The following ADAMTS2 variants were observed in gnomAD, a reference collection of about 807,000 sequenced individuals.
ADAMTS2 encodes the protein A disintegrin and metalloproteinase with thrombospondin motifs 2.
In ADAMTS2, 50 loss-of-function variants were observed where a neutral mutation model predicts 123.0. The ratio of observed to expected loss-of-function variants is 0.41; its 90% CI spans 0.32 to 0.51. The LOEUF (loss-of-function observed/expected upper bound fraction) is 0.51, where lower values mean the gene tolerates loss of function less well. Ranked by LOEUF, ADAMTS2 falls within the 20% of genes least tolerant of loss-of-function variation. The pLI is 0.35. For synonymous variants in ADAMTS2, 678 were observed against 695.4 expected (o/e 0.98, Z 0.39); for missense variants, 1,494 against 1,705.2 (o/e 0.88, Z 2.18).
intron 2 of ADAMTS2, among the ~76,000 whole-genome samples, chr5:179,326,582 C>A (rs1254754660): frequency 6.6e-6 from 1 of 151,086 alleles, no homozygotes; most frequent in Non-Finnish European, 1.5e-5. Context: ...AGCGCTTTCA[C>A]ACTGTGGTCC....
At chr5:179,296,310 C>A (rs1420750649) in intron 2 of ADAMTS2, among the ~76,000 whole-genome samples, 1 of 151,836 alleles carries the variant, frequency 6.6e-6, no homozygotes, top group Non-Finnish European at 1.5e-5. Flanking sequence ...CGGGCAGGGG[C>A]AATGCCGGGG....
chr5:179,270,345 G>A (rs981763584), intron 3 of ADAMTS2, among the ~76,000 whole-genome samples: 1 of 152,152 alleles, frequency 6.6e-6, no homozygotes, highest in Non-Finnish European at 1.5e-5. Flanking sequence ...GGGCAGGTGT[G>A]TCACCTTCCC....
At chr5:179,141,133 C>T (rs1413319190) in intron 10 of ADAMTS2, among the ~76,000 whole-genome samples, 3 of 152,084 alleles carry the variant, frequency 2.0e-5, no homozygotes, top group Non-Finnish European at 4.4e-5. Context: ...ACTCTTTAAC[C>T]CTTCTTTGTA....
intron 3 of ADAMTS2, among the ~76,000 whole-genome samples, chr5:179,223,639 C>A (rs898095875): frequency 1.2e-5 from 1 of 86,788 alleles, no homozygotes; most frequent in East Asian, 2.2e-3. Context: ...CATGAATGCA[C>A]ACACACATAC....
At chr5:179,149,827 C>T (rs1051942836) in intron 10 of ADAMTS2, among the ~76,000 whole-genome samples, 4 of 152,172 alleles carry the variant, frequency 2.6e-5, no homozygotes, top group African/African-American at 2.4e-5. Flanking sequence ...CTGTGCTCCT[C>T]GGGAACCAGG....
intron 2 of ADAMTS2, among the ~76,000 whole-genome samples, chr5:179,293,393 A>C (rs17079307): frequency 0.015 from 2,276 of 152,328 alleles, 52 homozygotes; most frequent in African/African-American, 0.052. Context: ...CAATGTGAAG[A>C]GTATTTTCCC....
intron 3 of ADAMTS2, among the ~76,000 whole-genome samples, chr5:179,243,539 T>C (rs1159432498): frequency 6.6e-6 from 1 of 151,908 alleles, no homozygotes; most frequent in Non-Finnish European, 1.5e-5. Flanking sequence ...AGGAAACAAA[T>C]AAATACACAA....
At position 179,345,168 on chromosome 5, in the gene ADAMTS2, G is replaced by A; in HGVS notation, c.139+22C>T. On this transcript the variant is annotated intron_variant, in intron 1 of 21. Coordinates refer to ENST00000251582, the MANE Select transcript of ADAMTS2 (RefSeq NM_014244.5). The surrounding 1 kb of genome is among the most constrained non-coding windows in gnomAD (Gnocchi z 7.5). ...GCCAGGCCGGCGGGGGTCCCGGGGA[G>A]TAGGGGCCGGGCCGCACCTACCTGG... The A allele has an allele frequency of 1.8e-6, 2 of 1,093,512 alleles. No homozygotes were observed. Among genetic ancestry groups the A allele is most frequent in the African/African-American group, 1.7e-5 (1 of 59,740 alleles). The allele number at this position is 1,093,512 out of a possible 1,614,324, so 67.7% of individuals were successfully genotyped here. A position where few individuals can be genotyped will look rare whatever the true frequency, so the allele number is the denominator to read the frequency against.
chr5:179,281,994 A>G (rs1477425384), intron 2 of ADAMTS2, among the ~76,000 whole-genome samples: 1 of 152,146 alleles, frequency 6.6e-6, no homozygotes, highest in Non-Finnish European at 1.5e-5. Context: ...TAATAAGACC[A>G]TTTTCTTTTT....
chr5:179,258,988 T>C (rs1286043588), intron 3 of ADAMTS2, among the ~76,000 whole-genome samples: 2 of 152,018 alleles, frequency 1.3e-5, no homozygotes, highest in African/African-American at 4.8e-5. Flanking sequence ...GGCCGCAGTC[T>C]CTCCCTGCAC....
intron 3 of ADAMTS2, among the ~76,000 whole-genome samples, chr5:179,217,286 G>A (rs906962787): frequency 1.3e-4 from 20 of 152,158 alleles, no homozygotes; most frequent in Admixed American, 1.2e-3. Flanking sequence ...AATTCAGAGC[G>A]ACTTACATAA....
chr5:179,223,392 T>TCA (rs36142929), intron 3 of ADAMTS2, among the ~76,000 whole-genome samples: 90,089 of 146,446 alleles, frequency 0.62, 27,680 homozygotes, highest in East Asian at 0.96. Context: ...ACGAATGCAC[T>TCA]CACACACACG....
At chr5:179,265,781 G>C (rs1766353103) in intron 3 of ADAMTS2, among the ~76,000 whole-genome samples, 1 of 152,254 alleles carries the variant, frequency 6.6e-6, no homozygotes, top group Non-Finnish European at 1.5e-5. Context: ...GAGGACAGGA[G>C]CGCCGCGGCG....
chr5:179,319,151 G>C (rs565337086), intron 2 of ADAMTS2, among the ~76,000 whole-genome samples: 1 of 152,004 alleles, frequency 6.6e-6, no homozygotes, highest in Non-Finnish European at 1.5e-5. Context: ...CATGCACCAC[G>C]TGTGCACTCA....
At position 179,170,726 on chromosome 5, in the gene ADAMTS2, C is replaced by T. The variant is rs530191483; in HGVS notation, c.975+10346G>A. Reference sequence around the variant, plus strand: ...CCTGCCACCCTGCTGTATTCCTTGCCGGTGCTCACCACTCTGTCGCTGTCT... The same window carrying T: ...CCTGCCACCCTGCTGTATTCCTTGCTGGTGCTCACCACTCTGTCGCTGTCT... On this transcript the variant is annotated intron_variant, in intron 5 of 21. Coordinates refer to ENST00000251582, the MANE Select transcript of ADAMTS2 (RefSeq NM_014244.5). This position sits in a 1 kb window ranked among gnomAD's most constrained non-coding sequence, Gnocchi z 4.3. 8.5e-5 allele frequency among the ~76,000 whole-genome samples: 13 copies of T among 152,282 alleles called. No homozygotes were observed. The highest frequency in any genetic ancestry group is 1.2e-4 in the African/African-American group (5 of 41,556).
chr5:179,264,092 G>T (rs907969993), intron 3 of ADAMTS2, among the ~76,000 whole-genome samples: 1 of 152,090 alleles, frequency 6.6e-6, no homozygotes, highest in Admixed American at 6.6e-5. Flanking sequence ...GCTGCTGCTG[G>T]GGAAGAGCTT....
chr5:179,327,600 C>T (rs887390207), intron 2 of ADAMTS2, among the ~76,000 whole-genome samples: 2 of 152,120 alleles, frequency 1.3e-5, no homozygotes, highest in Non-Finnish European at 2.9e-5. Context: ...ATCCTGCGTT[C>T]GAAGCTCTAC....
In ADAMTS2 at chr5:179,308,548, C is replaced by G. The variant is rs1756738643; in HGVS notation, c.534+35219G>C. Reference sequence around the variant, plus strand: ...CATGCCTGCAGGCCCCCATAATAGACAGCCTCATTTTTTTTTTCTAGGCAA... The same window carrying G: ...CATGCCTGCAGGCCCCCATAATAGAGAGCCTCATTTTTTTTTTCTAGGCAA... On this transcript the variant is annotated intron_variant, in intron 2 of 21. Coordinates refer to ENST00000251582, the MANE Select transcript of ADAMTS2 (RefSeq NM_014244.5). The surrounding 1 kb of genome is among the most constrained non-coding windows in gnomAD (Gnocchi z 6.6). Among the ~76,000 whole-genome samples, 1 of 152,180 alleles carries G rather than the reference C, an allele frequency of 6.6e-6. No individual in the cohort carries two copies. The highest frequency in any genetic ancestry group is 1.5e-5 in the Non-Finnish European group (1 of 68,008).
Position 179,303,083 on chromosome 5 carries a change from C to T in ADAMTS2, c.535-30019G>A, listed in dbSNP as rs894651093. 7.2e-5 allele frequency among the ~76,000 whole-genome samples: 11 copies of T among 151,988 alleles called. No homozygotes were observed. The highest frequency in any genetic ancestry group is 2.4e-4 in the African/African-American group (10 of 41,362). ...CTGTGGGGAGGAGATTGGATTTTCT[C>T]CTCTGTGCAGTGGGCAGCCCCTGGA... On this transcript the variant is annotated intron_variant, in intron 2 of 21. Transcript: ENST00000251582. This position sits in a 1 kb window ranked among gnomAD's most constrained non-coding sequence, Gnocchi z 4.7.
Sources: gnomAD v4.1 joint callset for allele counts (sites outside exome capture counted in the v4.1 genomes callset) on GRCh38, gnomAD v4.1.1 for gene constraint, Gnocchi (gnomAD v3.1) non-coding constraint, MANE v1.5 for transcripts, NCBI Gene and HGNC (gene_info 2026-07-23, HGNC 2026-07-21) for gene names.